VPS8: variants seen among roughly 807,000 people sequenced by gnomAD.
VPS8 encodes the protein VPS8 subunit of CORVET complex.
VPS8 carries 129 observed loss-of-function variants against 216.4 expected under a neutral mutation model. The ratio of observed to expected loss-of-function variants is 0.60; its 90% CI spans 0.52 to 0.69. VPS8 has a LOEUF of 0.69. Among genes scored for constraint, VPS8 ranks in the 30% least tolerant of loss-of-function variants. The pLI is 0.00. For synonymous variants in VPS8, 571 were observed against 565.4 expected, an observed-to-expected ratio of 1.01 and a Z score of -0.14; for missense variants, 1,531 against 1,683.5, an observed-to-expected ratio of 0.91 and a Z score of 1.59.
intron 36 of VPS8, 48 bp from the exon 37 acceptor site, chr3:184,957,326 T>C (rs1379128243): frequency 6.4e-7 from 1 of 1,553,924 alleles, no homozygotes; most frequent in South Asian, 1.2e-5. Context: ...ATAGATGTGA[T>C]TAAATAATGC....
chr3:184,930,101 A>T (rs1304705196), intron 33 of VPS8, among the ~76,000 whole-genome samples: 9 of 152,172 alleles, frequency 5.9e-5, no homozygotes, highest in Non-Finnish European at 1.3e-4. Flanking sequence ...CTGAGTAGAG[A>T]TCATATAGAT....
At chr3:184,919,141 TC>T (rs1259599856) in intron 28 of VPS8, 2 of 152,200 alleles carry the variant, frequency 1.3e-5, no homozygotes, top group African/African-American at 4.8e-5. Context: ...TGGGGGAAAT[TC>T]AGGCCCATTT....
intron 22 of VPS8, among the ~76,000 whole-genome samples, chr3:184,886,498 C>CAT (rs201495867): frequency 3.1e-3 from 460 of 150,412 alleles, no homozygotes; most frequent in African/African-American, 0.01. Flanking sequence ...TATACACACA[C>CAT]ATATATATAT....
intron 45 of VPS8, among the ~76,000 whole-genome samples, chr3:185,019,580 T>G (rs1432362581): frequency 6.6e-6 from 1 of 152,234 alleles, no homozygotes. Flanking sequence ...AACAGGAACA[T>G]GTCCTTAAGG....
chr3:184,872,511 T>A (rs1728526520), intron 21 of VPS8, among the ~76,000 whole-genome samples: 1 of 152,042 alleles, frequency 6.6e-6, no homozygotes, highest in African/African-American at 2.4e-5. Flanking sequence ...ATGTTAGTAG[T>A]AATGTGCTCT....
intron 10 of VPS8, among the ~76,000 whole-genome samples, chr3:184,851,740 C>T (rs1170254503): frequency 2.6e-5 from 4 of 152,126 alleles, no homozygotes; most frequent in East Asian, 3.9e-4. Flanking sequence ...CCTCCAGTAC[C>T]TCAGCCATCC....
intron 45 of VPS8, among the ~76,000 whole-genome samples, chr3:185,014,258 G>A (rs1433681836): frequency 6.6e-6 from 1 of 152,142 alleles, no homozygotes; most frequent in African/African-American, 2.4e-5. Flanking sequence ...TCCACCATCT[G>A]TGACAGCTTC....
intron 42 of VPS8, among the ~76,000 whole-genome samples, chr3:184,988,899 G>A (rs1051297971): frequency 6.6e-6 from 1 of 152,068 alleles, no homozygotes; most frequent in Non-Finnish European, 1.5e-5. Context: ...TTTCTCTTAG[G>A]TACTAATGTG....
intron 39 of VPS8, among the ~76,000 whole-genome samples, chr3:184,969,066 A>G (rs559106469): frequency 5.0e-4 from 76 of 152,220 alleles, no homozygotes; most frequent in African/African-American, 1.8e-3. Context: ...CAATTTGGTT[A>G]TGTTTGTTAC....
At chr3:184,971,543 A>G (rs762057677) in intron 39 of VPS8, 106 bp from the exon 40 acceptor site, 26 of 682,326 alleles carry the variant, frequency 3.8e-5, no homozygotes, top group Non-Finnish European at 5.3e-5. Flanking sequence ...ATTATATACT[A>G]GAAAATGAAG....
chr3:184,901,034 A>T, intron 25 of VPS8, 62 bp downstream of exon 25: 1 of 1,488,758 alleles, frequency 6.7e-7, no homozygotes, highest in Non-Finnish European at 9.2e-7. Context: ...TTTAAATGTT[A>T]CAAAATTGGC....
At chr3:184,923,178 T>C (rs1306511028) in intron 29 of VPS8, among the ~76,000 whole-genome samples, 2 of 57,204 alleles carry the variant, frequency 3.5e-5, no homozygotes, top group African/African-American at 2.2e-4. Context: ...CTTGGAACTT[T>C]TTATAGATGT....
At chr3:184,978,315 G>A (rs987979345) in intron 40 of VPS8, among the ~76,000 whole-genome samples, 34 of 151,728 alleles carry the variant, frequency 2.2e-4, no homozygotes, top group Non-Finnish European at 4.6e-4. Context: ...CGTTTATTTG[G>A]ATCTTCTCTC....
rs572827528 is a variant in VPS8, at chr3:185,016,114, G to A, written c.4003-8222G>A. Among the ~76,000 whole-genome samples the A allele has an allele frequency of 7.9e-5, 12 of 152,300 alleles. No individual in the cohort carries two copies. In the South Asian group the frequency reaches 8.3e-4, roughly 11 times the overall value. ...GGATAGAAAATAGATTACTCATGGC[G>A]TAGGTAGGAATGCCTAGAGCAGGTC... On this transcript the variant is annotated intron_variant, in intron 45 of 47. Transcript: ENST00000625842.
At chr3:184,825,025 C>A in intron 2 of VPS8, 1 of 445,184 alleles carries the variant, frequency 2.2e-6, no homozygotes, top group Non-Finnish European at 4.1e-6. Context: ...CCTACCTCAG[C>A]CTCCCAAGTA....
At chr3:185,012,112 A>T (rs1755091799) in intron 45 of VPS8, among the ~76,000 whole-genome samples, 1 of 151,828 alleles carries the variant, frequency 6.6e-6, no homozygotes, top group East Asian at 1.9e-4. Context: ...TTGTAACTGA[A>T]GCACAGAGGC....
chr3:184,946,632 A>C (rs1039242719), intron 36 of VPS8, among the ~76,000 whole-genome samples: 4 of 152,098 alleles, frequency 2.6e-5, no homozygotes, highest in African/African-American at 9.7e-5. Context: ...ATTCAGGCCC[A>C]CCTGGCCAGC....
At chr3:184,950,677 T>A (rs974357634) in intron 36 of VPS8, among the ~76,000 whole-genome samples, 4 of 152,126 alleles carry the variant, frequency 2.6e-5, no homozygotes, top group Non-Finnish European at 1.5e-5. Context: ...CCATGGTGGT[T>A]TGCTGAACCT....
chr3:185,024,410 A>G (rs1434097303), intron 46 of VPS8, 21 bp downstream of exon 46: 2 of 1,582,578 alleles, frequency 1.3e-6, no homozygotes. Flanking sequence ...TTTAAAGGCA[A>G]AAAACCAGTT....
Sources: gnomAD v4.1 joint callset for allele counts (sites outside exome capture counted in the v4.1 genomes callset) on GRCh38, gnomAD v4.1.1 for gene constraint, MANE v1.5 for transcripts, NCBI Gene and HGNC (gene_info 2026-07-23, HGNC 2026-07-21) for gene names.